KAZN: variants seen among roughly 807,000 people sequenced by gnomAD.
KAZN encodes kazrin, periplakin interacting protein.
Under a neutral mutation model 87.4 loss-of-function variants are expected in KAZN, and 40 were observed. That is an observed-to-expected ratio of 0.46 (90% CI 0.36 to 0.60). KAZN has a LOEUF of 0.60. KAZN is among the 20% of genes least tolerant of loss of function. The pLI is 0.00. For missense variants in KAZN, 898 were observed against 1,073.9 expected (o/e 0.84, Z 2.29); for synonymous variants, 466 against 458.3 (o/e 1.02, Z -0.22).
chr1:14,571,682 T>C (rs1423109319), intron 2 of KAZN, among the ~76,000 whole-genome samples: 2 of 152,182 alleles, frequency 1.3e-5, no homozygotes, highest in Non-Finnish European at 2.9e-5. Context: ...TCTGTGCTAC[T>C]TGAATCAGGA....
intron 2 of KAZN, among the ~76,000 whole-genome samples, chr1:14,356,364 A>G (rs1254769140): frequency 6.6e-6 from 1 of 152,034 alleles, no homozygotes; most frequent in Non-Finnish European, 1.5e-5. Flanking sequence ...ATTTTCTTTC[A>G]TTCTGTAGGC....
At chr1:14,209,824 T>C (rs138282992) in intron 2 of KAZN, among the ~76,000 whole-genome samples, 77 of 152,280 alleles carry the variant, frequency 5.1e-4, no homozygotes, top group African/African-American at 1.8e-3. Flanking sequence ...GTGTCCCCAA[T>C]GATGACAATC....
intron 1 of KAZN, among the ~76,000 whole-genome samples, chr1:14,861,041 A>G (rs925572663): frequency 2.0e-5 from 3 of 152,270 alleles, no homozygotes; most frequent in East Asian, 1.9e-4. Flanking sequence ...TGCCCCTAGA[A>G]TAGTATTAGG....
At chr1:14,032,936 G>T (rs764591222) in intron 1 of KAZN, among the ~76,000 whole-genome samples, 3 of 152,100 alleles carry the variant, frequency 2.0e-5, no homozygotes, top group Non-Finnish European at 4.4e-5. Flanking sequence ...CCAGGCCCTG[G>T]ACTCTTCACC....
chr1:14,771,196 T>G (rs938294958), intron 1 of KAZN, among the ~76,000 whole-genome samples: 14 of 152,120 alleles, frequency 9.2e-5, no homozygotes, highest in African/African-American at 2.9e-4. Context: ...TTTAAATGCC[T>G]AATAAAGGGG....
intron 2 of KAZN, among the ~76,000 whole-genome samples, chr1:14,505,530 T>C (rs1390783785): frequency 6.6e-6 from 1 of 152,064 alleles, no homozygotes; most frequent in African/African-American, 2.4e-5. Context: ...AAAGGACAAA[T>C]ACTCCATGAT....
chr1:14,048,695 G>A (rs10928001), intron 1 of KAZN, among the ~76,000 whole-genome samples: 84,213 of 152,042 alleles, frequency 0.55, 23,628 homozygotes, highest in East Asian at 0.7. Flanking sequence ...ATGAGCCACT[G>A]CGCCTGGCCT....
intron 2 of KAZN, among the ~76,000 whole-genome samples, chr1:14,577,395 T>C (rs1396811337): frequency 2.0e-5 from 3 of 152,190 alleles, no homozygotes; most frequent in Non-Finnish European, 4.4e-5. Context: ...AATCTGAGCA[T>C]AAAGATTGCT....
chr1:14,644,104 C>T (rs1271869254), intron 1 of KAZN, among the ~76,000 whole-genome samples: 4 of 147,768 alleles, frequency 2.7e-5, no homozygotes, highest in East Asian at 2.0e-4. Context: ...CTCCACCTCT[C>T]GGGTTCAAGC....
At chr1:14,483,950 G>C (rs1399258364) in intron 2 of KAZN, among the ~76,000 whole-genome samples, 1 of 152,212 alleles carries the variant, frequency 6.6e-6, no homozygotes, top group Non-Finnish European at 1.5e-5. Flanking sequence ...TATGGTGTGA[G>C]ATAATGGTCT....
At chr1:14,028,265 TG>T (rs958068749) in intron 1 of KAZN, among the ~76,000 whole-genome samples, 3 of 152,144 alleles carry the variant, frequency 2.0e-5, no homozygotes, top group African/African-American at 7.2e-5. Flanking sequence ...GTAGAGTTGA[TG>T]GAAGGTTGAT....
At position 15,088,745 on chromosome 1, in the gene KAZN, C is replaced by T. The variant is rs1243007718; in HGVS notation, c.1223-5435C>T. Among the ~76,000 whole-genome samples, 5 of 152,074 alleles carry T rather than the reference C, an allele frequency of 3.3e-5. No homozygotes were observed. The South Asian group carries it at 8.3e-4, about 25-fold the overall frequency. ...CTCCTCCCAAGCCCTTCTGTCACGT[C>T]GTCTCGTTGGTGCTCAGTCCTCAGG... On this transcript the variant is annotated intron_variant, in intron 8 of 14. Transcript: ENST00000376030.
intron 1 of KAZN, among the ~76,000 whole-genome samples, chr1:14,649,252 T>C (rs1031982775): frequency 6.6e-6 from 1 of 152,182 alleles, no homozygotes; most frequent in Non-Finnish European, 1.5e-5. Context: ...CCACATACCA[T>C]TGATAGAGAA....
chr1:14,462,737 G>A (rs1163521627), intron 2 of KAZN, among the ~76,000 whole-genome samples: 2 of 152,136 alleles, frequency 1.3e-5, no homozygotes, highest in Non-Finnish European at 2.9e-5. Context: ...GAGAGTTTGT[G>A]CAGGGGAACT....
chr1:14,108,738 C>CT, intron 1 of KAZN, among the ~76,000 whole-genome samples: 1 of 152,246 alleles, frequency 6.6e-6, no homozygotes, highest in East Asian at 1.9e-4. Context: ...CCATTTGTTC[C>CT]TTTTCTGAAG....
At chr1:14,070,079 G>C (rs1643183849) in intron 1 of KAZN, among the ~76,000 whole-genome samples, 3 of 149,202 alleles carry the variant, frequency 2.0e-5, no homozygotes, top group Non-Finnish European at 4.4e-5. Flanking sequence ...TAAGGCAGGA[G>C]AATCGCTTGA....
intron 1 of KAZN, among the ~76,000 whole-genome samples, chr1:14,605,678 T>TGAG (rs1200414746): frequency 6.6e-6 from 1 of 152,092 alleles, no homozygotes; most frequent in Non-Finnish European, 1.5e-5. Flanking sequence ...ATCTTCATGT[T>TGAG]GAGGAGGAGG....
intron 2 of KAZN, among the ~76,000 whole-genome samples, chr1:14,573,331 C>G (rs1285553653): frequency 1.3e-5 from 2 of 152,186 alleles, no homozygotes; most frequent in Non-Finnish European, 2.9e-5. Context: ...CCATACACCT[C>G]TTTTCTACAA....
chr1:14,927,471 G>A (rs1235942132), intron 1 of KAZN, among the ~76,000 whole-genome samples: 1 of 152,162 alleles, frequency 6.6e-6, no homozygotes, highest in African/African-American at 2.4e-5. Context: ...GCCGGGGAGG[G>A]GTTAGAATGA....
Sources: allele counts gnomAD v4.1 joint callset (sites outside exome capture counted in the v4.1 genomes callset), GRCh38; gene constraint gnomAD v4.1.1; transcripts MANE v1.5; gene names NCBI Gene and HGNC (gene_info 2026-07-23, HGNC 2026-07-21).